CABIN1: variants seen among roughly 807,000 people sequenced by gnomAD.
CABIN1 encodes calcineurin binding protein 1.
A neutral mutation model predicts 227.7 loss-of-function variants in CABIN1; 133 were observed. The observed-to-expected ratio is 0.58, with a 90% confidence interval of 0.51 to 0.67. The LOEUF (loss-of-function observed/expected upper bound fraction) is 0.67. CABIN1 is among the 30% of genes least tolerant of loss of function. CABIN1 has a pLI of 0.00. For synonymous variants in CABIN1, 1,086 were observed against 1,155.1 expected (o/e 0.94, Z 1.21); for missense variants, 2,408 against 2,852.5 (o/e 0.84, Z 3.55).
chr22:24,063,255 T>C (rs2039331450), intron 14 of CABIN1, 109 bp downstream of exon 14: 5 of 1,104,306 alleles, frequency 4.5e-6, no homozygotes, highest in Admixed American at 1.8e-5. Context: ...TGTGTGTGTG[T>C]GTGCATGCAT....
At chr22:24,126,168 C>T (rs2043711979) in intron 28 of CABIN1, among the ~76,000 whole-genome samples, 1 of 152,248 alleles carries the variant, frequency 6.6e-6, no homozygotes, top group Admixed American at 6.5e-5. Flanking sequence ...ACTCATTCAG[C>T]AGCTGTCTAC....
chr22:24,114,344 T>C (rs761842458), intron 27 of CABIN1, among the ~76,000 whole-genome samples: 1 of 152,068 alleles, frequency 6.6e-6, no homozygotes, highest in Non-Finnish European at 1.5e-5. Flanking sequence ...CTGGCCCCAC[T>C]CTGAGGTGTG....
At chr22:24,076,058 C>A in intron 18 of CABIN1, 111 bp from the exon 19 acceptor site, 2 of 709,838 alleles carry the variant, frequency 2.8e-6, no homozygotes, top group Non-Finnish European at 5.1e-6. Flanking sequence ...AGTCTGTAGT[C>A]ATGTTGATAA....
rs1569112630 is a variant in CABIN1, at chr22:24,042,878, T to TGTGTGTGTGTGTGTGTG, written c.346-26_346-25insGTGTGTGTGTGTGTGTG. The TGTGTGTGTGTGTGTGTG allele has an allele frequency of 1.4e-5, 13 of 952,288 alleles. No homozygotes were observed. In the African/African-American group the frequency reaches 1.5e-4, roughly 11 times the overall value. The allele number at this position is 952,288 out of a possible 1,614,324, so 59.0% of individuals were successfully genotyped here. A position where few individuals can be genotyped will look rare whatever the true frequency, so the allele number is the denominator to read the frequency against. ...TGTGTGTGTGTGTGTGTGTGTGTGT[T>TGTGTGTGTGTGTGTGTG]TGCCCTCTGCTTGTGTCGCTTCCAG... On this transcript the variant is annotated intron_variant, in intron 5 of 36. Transcript: ENST00000263119.
chr22:24,052,126 A>G (rs1022170789), intron 8 of CABIN1, among the ~76,000 whole-genome samples: 8 of 152,130 alleles, frequency 5.3e-5, no homozygotes, highest in Admixed American at 2.6e-4. Flanking sequence ...GAAGGAGGAA[A>G]AGGCCTGAGA....
chr22:24,170,755 C>CG (rs970890152), intron 33 of CABIN1, among the ~76,000 whole-genome samples: 3 of 147,336 alleles, frequency 2.0e-5, no homozygotes, highest in African/African-American at 7.6e-5. Flanking sequence ...GCAAACTGCC[C>CG]CCCCCCCCGC....
intron 1 of CABIN1, among the ~76,000 whole-genome samples, chr22:24,032,775 G>T (rs965595849): frequency 6.6e-6 from 1 of 152,058 alleles, no homozygotes; most frequent in African/African-American, 2.4e-5. Flanking sequence ...TGATAAAGTT[G>T]CAGTTTCTGG....
At chr22:24,115,149 A>G (rs1299275878) in intron 27 of CABIN1, among the ~76,000 whole-genome samples, 2 of 152,228 alleles carry the variant, frequency 1.3e-5, no homozygotes, top group African/African-American at 4.8e-5. Flanking sequence ...TCAGACAAGT[A>G]AGACCTACCA....
chr22:24,054,225 T>G (rs553056394), intron 8 of CABIN1, among the ~76,000 whole-genome samples: 6 of 152,168 alleles, frequency 3.9e-5, no homozygotes, highest in Admixed American at 2.6e-4. Context: ...CGCAGCATAG[T>G]AGACAACACA....
chr22:24,015,437 C>T (rs775596286), intron 1 of CABIN1, among the ~76,000 whole-genome samples: 2 of 150,952 alleles, frequency 1.3e-5, no homozygotes, highest in African/African-American at 4.8e-5. Flanking sequence ...CTCCGCCTCC[C>T]GGGTTCACGC....
intron 26 of CABIN1, among the ~76,000 whole-genome samples, chr22:24,101,308 G>C (rs769433621): frequency 6.6e-6 from 1 of 152,178 alleles, no homozygotes; most frequent in Non-Finnish European, 1.5e-5. Context: ...ATAGCTCCAG[G>C]TACATGTGGG....
chr22:24,139,326 G>A (rs1229145626), intron 29 of CABIN1, among the ~76,000 whole-genome samples: 1 of 152,170 alleles, frequency 6.6e-6, no homozygotes, highest in Non-Finnish European at 1.5e-5. Context: ...TGTAATCCCA[G>A]CACTTTGGTA....
rs568317451 is a variant in CABIN1 at position 24,098,153 on chromosome 22, G to A, written c.4078G>A (p.Val1360Ile). ...YTATPIDHDYVKCKKPHQQAT... is the reference protein window; with the variant it reads ...YTATPIDHDYIKCKKPHQQAT... ...AGCCACTCCGATTGACCACGATTAC[G>A]TCAAATGTAAAAAACCCCACCAGCA... Residue 1360 changes from valine (V) to isoleucine (I), a missense_variant, in exon 26 of 37, where the codon GTC becomes ATC. Physicochemically the swap from Val to Ile is conservative, Grantham distance 29 (BLOSUM62 3). This residue lies in a region of CABIN1 where 649 missense variants were observed against 910.3 expected (regional missense o/e 0.71). Transcript: ENST00000263119. 8.1e-6 allele frequency: 13 copies of A among 1,614,100 alleles called. No individual in the cohort carries two copies. The highest frequency in any genetic ancestry group is 1.0e-5 in the Non-Finnish European group (12 of 1,180,018).
At position 24,164,592 on chromosome 22, in the gene CABIN1, G is replaced by A. The variant is rs746700675; in HGVS notation, c.4910+29G>A. 4 of 1,599,040 alleles carry A rather than the reference G, an allele frequency of 2.5e-6. No homozygotes were observed. In the Admixed American group the frequency reaches 6.7e-5, roughly 27 times the overall value. ...AGTGCAGCCACCCTGGACACAGCCT[G>A]GCATGCTGTGTGGGTCAGGGGCACA... On this transcript the variant is annotated intron_variant, in intron 30 of 36. Coordinates refer to ENST00000263119, the MANE Select transcript of CABIN1 (RefSeq NM_012295.4).
Position 24,041,229 on chromosome 22 carries a change from G to C in CABIN1, c.301G>C (p.Ala101Pro). 6.2e-7 allele frequency: 1 copy of C among 1,614,234 alleles called. No individual in the cohort carries two copies. Among genetic ancestry groups the C allele is most frequent in the East Asian group, 2.2e-5 (1 of 44,894 alleles). ...TTATAAGAACTTGGCCCAGCTGGCA[G>C]CCCAGCGGGAGGATCTGGAGACAGC... is the stretch of plus-strand genomic sequence containing the variant. The part of the protein sequence containing the change: ...STYKNLAQLA[A>P]QREDLETAME... The change falls in exon 5 of 37, where the codon GCC becomes CCC. Residue 101 changes from alanine (A) to proline (P), a missense_variant. Ala to Pro is a conservative substitution (Grantham distance 27, BLOSUM62 -1). Transcript: ENST00000263119.
At chr22:24,067,202 T>G (rs1345505119) in intron 16 of CABIN1, 21 bp downstream of exon 16, 2 of 1,612,674 alleles carry the variant, frequency 1.2e-6, no homozygotes, top group African/African-American at 1.3e-5. Context: ...CCAGTGTCCC[T>G]CACACCCACT....
rs1187133363 is a variant in CABIN1, at chr22:24,166,901, C to T, written c.5270C>T (p.Pro1757Leu). 1.2e-6 allele frequency: 2 copies of T among 1,608,504 alleles called. No individual in the cohort carries two copies. Residue 1757 changes from proline to leucine, a missense_variant, in exon 32 of 37, where the codon CCC becomes CTC. Coordinates refer to ENST00000263119, the MANE Select transcript of CABIN1 (RefSeq NM_012295.4). ...GATAAAGAGAGCCCACGGGCAGGGC[C>T]CACTGAGCCCATGGACACGAGTGAG... The part of the protein sequence containing the change: ...RKDKESPRAG[P>L]TEPMDTSEAT...
intron 27 of CABIN1, among the ~76,000 whole-genome samples, chr22:24,114,236 C>T (rs2042963917): frequency 6.6e-6 from 1 of 152,092 alleles, no homozygotes; most frequent in Non-Finnish European, 1.5e-5. Flanking sequence ...GGGGGTGTGC[C>T]CAACTCTCCT....
chr22:24,031,807 G>C (rs1355275301), intron 1 of CABIN1, among the ~76,000 whole-genome samples: 2 of 152,214 alleles, frequency 1.3e-5, no homozygotes, highest in Admixed American at 1.3e-4. Flanking sequence ...GGAGTCATCA[G>C]GGTGTGGCTT....
Sources: gnomAD v4.1 joint callset for allele counts (sites outside exome capture counted in the v4.1 genomes callset) on GRCh38, gnomAD v4.1.1 for gene constraint, gnomAD v4.1.1 regional missense constraint, MANE v1.5 for transcripts, NCBI Gene and HGNC (gene_info 2026-07-23, HGNC 2026-07-21) for gene names.